Variants in HELZ observed in about 807,000 individuals in gnomAD.
HELZ encodes the protein ATP-dependent RNA helicase with zinc finger domain.
A neutral mutation model predicts 218.2 loss-of-function variants in HELZ; 23 were observed. The ratio of observed to expected loss-of-function variants is 0.11; its 90% CI spans 0.08 to 0.15. The LOEUF (loss-of-function observed/expected upper bound fraction) is 0.15, where lower values mean the gene tolerates loss of function less well. Ranked by LOEUF, HELZ falls within the 10% of genes least tolerant of loss-of-function variation. HELZ has a pLI of 1.00. For synonymous variants in HELZ, 814 were observed against 829.4 expected (o/e 0.98, Z 0.32); for missense variants, 1,813 against 2,353.7 (o/e 0.77, Z 4.75).
chr17:67,184,009 A>T (rs62933961), intron 12 of HELZ, among the ~76,000 whole-genome samples: 30 of 123,754 alleles, frequency 2.4e-4, no homozygotes, highest in East Asian at 2.0e-4. Flanking sequence ...AGTAATATTT[A>T]AAAAAAAAAA....
chr17:67,210,038 C>T (rs1288783215), intron 5 of HELZ, among the ~76,000 whole-genome samples: 1 of 152,108 alleles, frequency 6.6e-6, no homozygotes, highest in Non-Finnish European at 1.5e-5. Flanking sequence ...GGCAACAAAG[C>T]AAAACCCCAT....
In HELZ at chr17:67,071,111, C is replaced by T. The variant is rs1023255455; in HGVS notation, c.*7141G>A. 6.6e-6 allele frequency: 1 copy of T among 152,352 alleles called. No individual in the cohort carries two copies. Among genetic ancestry groups the T allele is most frequent in the South Asian group, 2.1e-4 (1 of 4,828 alleles). 9.4% of individuals were successfully genotyped at this position (152,352 alleles called of 1,614,324 possible). A position where few individuals can be genotyped will look rare whatever the true frequency, so the allele number is the denominator to read the frequency against. On this transcript the variant is annotated 3_prime_UTR_variant, in exon 33 of 33. Transcript: ENST00000358691. ...CTAGGATACAACTACTACATATAGC[C>T]AGTACCTTTATGGGGTTTAAAGAAT...
At chr17:67,171,343 A>C (rs529570196) in intron 13 of HELZ, among the ~76,000 whole-genome samples, 1 of 152,280 alleles carries the variant, frequency 6.6e-6, no homozygotes, top group African/African-American at 2.4e-5. Flanking sequence ...TGACCTCCCC[A>C]GTGTGACCCA....
chr17:67,114,249 C>A, intron 28 of HELZ, 75 bp downstream of exon 28: 1 of 1,008,768 alleles, frequency 9.9e-7, no homozygotes, highest in Non-Finnish European at 1.6e-6. Context: ...AGGTATTTTT[C>A]TTTAAAACAT....
Position 67,074,910 on chromosome 17 carries a change from A to G in HELZ, c.*3342T>C, listed in dbSNP as rs1231150901. ...GCAGTTTGTTATTTCACGTGTAAAA[A>G]ATGACCTGGATAGAAAGCACATCTG... On this transcript the variant is annotated 3_prime_UTR_variant, in exon 33 of 33. Coordinates refer to ENST00000358691, the MANE Select transcript of HELZ (RefSeq NM_014877.4). 6.6e-6 allele frequency: 1 copy of G among 152,166 alleles called. No homozygotes were observed. The highest frequency in any genetic ancestry group is 1.9e-4 in the East Asian group (1 of 5,204). 9.4% of individuals were successfully genotyped at this position (152,166 alleles called of 1,614,324 possible).
chr17:67,120,380 A>T (rs761444017), intron 27 of HELZ, 25 bp downstream of exon 27: 1 of 1,587,244 alleles, frequency 6.3e-7, no homozygotes, highest in Non-Finnish European at 8.7e-7. Context: ...GTTTATGAAC[A>T]GGAGAACAGC....
chr17:67,140,407 T>C (rs1391564090), intron 21 of HELZ, among the ~76,000 whole-genome samples: 1 of 152,200 alleles, frequency 6.6e-6, no homozygotes, highest in Non-Finnish European at 1.5e-5. Context: ...TGGAGCAATT[T>C]ATGCCCCCAG....
chr17:67,225,213 C>T (rs751280776), intron 3 of HELZ: 3 of 301,146 alleles, frequency 1.0e-5, no homozygotes, highest in Non-Finnish European at 1.3e-5. Flanking sequence ...ATTATATGTA[C>T]GTAATCTAAT....
chr17:67,193,836 C>G, intron 9 of HELZ, 131 bp downstream of exon 9: 1 of 660,994 alleles, frequency 1.5e-6, no homozygotes, highest in Non-Finnish European at 2.6e-6. Context: ...ACTTTTATTA[C>G]TTAATGATAA....
At chr17:67,219,696 G>C (rs772895375) in intron 3 of HELZ, among the ~76,000 whole-genome samples, 28 of 152,176 alleles carry the variant, frequency 1.8e-4, no homozygotes, top group Non-Finnish European at 3.7e-4. Context: ...ACAGGCAATG[G>C]AACACGATGA....
At chr17:67,104,426 G>A (rs1380377300) in intron 31 of HELZ, among the ~76,000 whole-genome samples, 3 of 141,662 alleles carry the variant, frequency 2.1e-5, no homozygotes, top group Admixed American at 7.4e-5. Context: ...GCAACAGAGC[G>A]AGACGCCATT....
Position 67,072,666 on chromosome 17 carries a change from T to G in HELZ, c.*5586A>C, listed in dbSNP as rs1248710949. On this transcript the variant is annotated 3_prime_UTR_variant, in exon 33 of 33. Transcript: ENST00000358691. ...GTGCAGACCCCAGCAGGGGTGAGAG[T>G]GAGGAGGGGTGGTGGCCAATCCAAA... is the stretch of plus-strand genomic sequence containing the variant. 6.6e-6 allele frequency: 1 copy of G among 151,592 alleles called. No homozygotes were observed. Among genetic ancestry groups the G allele is most frequent in the Non-Finnish European group, 1.5e-5 (1 of 67,916 alleles). 9.4% of individuals were successfully genotyped at this position (151,592 alleles called of 1,614,324 possible). A position where few individuals can be genotyped will look rare whatever the true frequency, so the allele number is the denominator to read the frequency against.
chr17:67,222,014 T>A (rs950888367), intron 3 of HELZ, among the ~76,000 whole-genome samples: 2 of 152,018 alleles, frequency 1.3e-5, no homozygotes, highest in African/African-American at 2.4e-5. Flanking sequence ...ATTTTTTTTT[T>A]ATTTTTTTGT....
chr17:67,146,995 A>G (rs1337017165), intron 20 of HELZ, among the ~76,000 whole-genome samples: 1 of 152,164 alleles, frequency 6.6e-6, no homozygotes, highest in Non-Finnish European at 1.5e-5. Flanking sequence ...GATGCATACT[A>G]TAGCTAACAG....
At chr17:67,202,525 T>C (rs569175795) in intron 6 of HELZ, among the ~76,000 whole-genome samples, 1 of 152,278 alleles carries the variant, frequency 6.6e-6, no homozygotes, top group Admixed American at 6.5e-5. Context: ...AATGCTATAT[T>C]TACAAAATTG....
At chr17:67,205,383 T>C (rs923773123) in intron 5 of HELZ, among the ~76,000 whole-genome samples, 10 of 152,100 alleles carry the variant, frequency 6.6e-5, no homozygotes, top group African/African-American at 2.4e-4. Flanking sequence ...TATGGATTAG[T>C]TACATCGCTA....
intron 31 of HELZ, among the ~76,000 whole-genome samples, chr17:67,096,126 A>T (rs1043499358): frequency 6.6e-6 from 1 of 151,446 alleles, no homozygotes. Context: ...GAATCTTTTT[A>T]AAAAATCCCA....
intron 23 of HELZ, among the ~76,000 whole-genome samples, chr17:67,134,885 G>A (rs1035738095): frequency 1.3e-5 from 2 of 151,770 alleles, no homozygotes; most frequent in Non-Finnish European, 2.9e-5. Context: ...AACTTCCTAT[G>A]ACAGGTACTA....
chr17:67,089,521 A>T (rs2036494520), intron 31 of HELZ, among the ~76,000 whole-genome samples: 1 of 151,782 alleles, frequency 6.6e-6, no homozygotes, highest in African/African-American at 2.4e-5. Flanking sequence ...AGAGATAAAC[A>T]TGTAGATAAA....
Sources: allele counts gnomAD v4.1 joint callset (sites outside exome capture counted in the v4.1 genomes callset), GRCh38; gene constraint gnomAD v4.1.1; transcripts MANE v1.5; gene names NCBI Gene and HGNC (gene_info 2026-07-23, HGNC 2026-07-21).